Variants in GRM3 observed in about 807,000 individuals in gnomAD.
GRM3 encodes the protein glutamate metabotropic receptor 3.
Under a neutral mutation model 70.5 loss-of-function variants are expected in GRM3, and 26 were observed. That is an observed-to-expected ratio of 0.37 (90% CI 0.27 to 0.51). The LOEUF (loss-of-function observed/expected upper bound fraction) is 0.51, where lower values mean the gene tolerates loss of function less well. Ranked by LOEUF, GRM3 falls within the 20% of genes least tolerant of loss-of-function variation. The pLI, the probability that GRM3 is intolerant of heterozygous loss-of-function variation, is 0.93. For synonymous variants in GRM3, 443 were observed against 434.9 expected (o/e 1.02, Z -0.23); for missense variants, 859 against 1,123.8 (o/e 0.76, Z 3.37).
intron 1 of GRM3, among the ~76,000 whole-genome samples, chr7:86,682,181 T>C (rs1794457677): frequency 6.6e-6 from 1 of 152,226 alleles, no homozygotes; most frequent in African/African-American, 2.4e-5. Flanking sequence ...TACAAGTTTT[T>C]CACAGTACAA....
chr7:86,654,065 A>C (rs919800882), intron 1 of GRM3, among the ~76,000 whole-genome samples: 5 of 152,170 alleles, frequency 3.3e-5, no homozygotes, highest in Non-Finnish European at 7.3e-5. Flanking sequence ...CACTTCGTTC[A>C]AGTGAATGGT....
intron 2 of GRM3, among the ~76,000 whole-genome samples, chr7:86,767,737 T>A (rs908278697): frequency 2.6e-5 from 4 of 151,858 alleles, no homozygotes; most frequent in Non-Finnish European, 4.4e-5. Context: ...CAATAAATGG[T>A]ACTCTACAGC....
At chr7:86,669,883 T>C (rs1430507602) in intron 1 of GRM3, among the ~76,000 whole-genome samples, 1 of 152,154 alleles carries the variant, frequency 6.6e-6, no homozygotes, top group Non-Finnish European at 1.5e-5. Flanking sequence ...CTTAACTCAC[T>C]CTGTAGTTTC....
chr7:86,826,938 A>G (rs1355588365), intron 3 of GRM3, among the ~76,000 whole-genome samples: 1 of 152,200 alleles, frequency 6.6e-6, no homozygotes, highest in Non-Finnish European at 1.5e-5. Flanking sequence ...TGACTCAGGC[A>G]TTAGCATGAT....
chr7:86,786,225 G>C lies in GRM3; in HGVS notation c.469-36G>C, dbSNP rs201793291. 1.1e-4 allele frequency: 175 copies of C among 1,573,572 alleles called. 1 individual carries two copies. The African/African-American group carries it at 2.2e-3, about 20-fold the overall frequency. On this transcript the variant is annotated intron_variant, in intron 2 of 5. Transcript: ENST00000361669. The surrounding 1 kb of genome is among the most constrained non-coding windows in gnomAD (Gnocchi z 6.0). Reference sequence around the variant, plus strand: ...TTTCATGTCCAGTCATCTACCTCGGGGTTTCTAACAAAGGTCCTTCTTCTC... The same window carrying C: ...TTTCATGTCCAGTCATCTACCTCGGCGTTTCTAACAAAGGTCCTTCTTCTC...
At chr7:86,654,662 C>G (rs1793690012) in intron 1 of GRM3, among the ~76,000 whole-genome samples, 1 of 152,176 alleles carries the variant, frequency 6.6e-6, no homozygotes, top group Non-Finnish European at 1.5e-5. Context: ...TGATTCCTTC[C>G]TAAATGATAT....
intron 3 of GRM3, among the ~76,000 whole-genome samples, chr7:86,809,868 A>C (rs990321383): frequency 6.6e-6 from 1 of 152,076 alleles, no homozygotes; most frequent in African/African-American, 2.4e-5. Flanking sequence ...AAATTCTTTC[A>C]CATACAGCAT....
At chr7:86,660,490 C>A (rs1207369194) in intron 1 of GRM3, among the ~76,000 whole-genome samples, 1 of 151,952 alleles carries the variant, frequency 6.6e-6, no homozygotes, top group Non-Finnish European at 1.5e-5. Flanking sequence ...AAACAAAAAA[C>A]AGAATGCTTG....
At chr7:86,680,994 G>T (rs1562823579) in intron 1 of GRM3, among the ~76,000 whole-genome samples, 3 of 152,004 alleles carry the variant, frequency 2.0e-5, no homozygotes, top group Non-Finnish European at 4.4e-5. Flanking sequence ...CCACAATATA[G>T]TTCAATGTTC....
intron 1 of GRM3, among the ~76,000 whole-genome samples, chr7:86,751,354 A>G (rs114076714): frequency 1.8e-3 from 276 of 152,200 alleles, no homozygotes; most frequent in African/African-American, 6.5e-3. Context: ...TTAGCTGTTA[A>G]TTGTTATCAG....
At chr7:86,718,095 A>G (rs1175125397) in intron 1 of GRM3, among the ~76,000 whole-genome samples, 2 of 151,978 alleles carry the variant, frequency 1.3e-5, no homozygotes, top group Non-Finnish European at 2.9e-5. Context: ...GCTGAATGTG[A>G]TATTTTAGCC....
In GRM3 at chr7:86,839,552, C is replaced by A. The variant is rs2116737929; in HGVS notation, c.2038C>A (p.Pro680Thr). 1 of 1,608,668 alleles carries A rather than the reference C, an allele frequency of 6.2e-7. No individual in the cohort carries two copies. The highest frequency in any genetic ancestry group is 8.5e-7 in the Non-Finnish European group (1 of 1,176,820). Residue 680 changes from proline (P) to threonine (T), a missense_variant, in exon 4 of 6, where the codon CCA (proline) becomes ACA (threonine). Physicochemically the swap from Pro to Thr is conservative, Grantham distance 38. Coordinates refer to ENST00000361669, the MANE Select transcript of GRM3 (RefSeq NM_000840.3). This position sits in a 1 kb window ranked among gnomAD's most constrained non-coding sequence, Gnocchi z 4.5. ...TGGGGTCAAGAATGGCGCTCAGAGG[C>A]CAAAATTCATCAGCCCCAGTTCTCA... is the stretch of plus-strand genomic sequence containing the variant. ...FDGVKNGAQRPKFISPSSQVF... is the reference protein window; with the variant it reads ...FDGVKNGAQRTKFISPSSQVF...
intron 1 of GRM3, among the ~76,000 whole-genome samples, chr7:86,751,752 C>T (rs1796237402): frequency 6.6e-6 from 1 of 152,054 alleles, no homozygotes; most frequent in Non-Finnish European, 1.5e-5. Context: ...AAGTGACTGG[C>T]TTGCTATTAT....
intron 5 of GRM3, among the ~76,000 whole-genome samples, chr7:86,852,069 TCA>T (rs1562882699): frequency 6.6e-6 from 1 of 152,070 alleles, no homozygotes; most frequent in Non-Finnish European, 1.5e-5. Context: ...TCACCCAGGG[TCA>T]CACACTTTAA....
chr7:86,685,885 A>T (rs1238954066), intron 1 of GRM3, among the ~76,000 whole-genome samples: 4 of 150,290 alleles, frequency 2.7e-5, no homozygotes, highest in Non-Finnish European at 3.0e-5. Context: ...TAGCCTGGGC[A>T]ACAGAGAAAG....
At chr7:86,747,283 A>C (rs1796124783) in intron 1 of GRM3, among the ~76,000 whole-genome samples, 1 of 152,050 alleles carries the variant, frequency 6.6e-6, no homozygotes, top group African/African-American at 2.4e-5. Context: ...ACCCTCACTA[A>C]CATGTATCAA....
chr7:86,759,910 A>G (rs1184721861), intron 1 of GRM3, among the ~76,000 whole-genome samples: 1 of 152,162 alleles, frequency 6.6e-6, no homozygotes, highest in Admixed American at 6.6e-5. Context: ...CAATATAGCT[A>G]CAGCGTCTGT....
intron 1 of GRM3, among the ~76,000 whole-genome samples, chr7:86,747,353 A>G (rs181796767): frequency 6.6e-6 from 1 of 152,214 alleles, no homozygotes; most frequent in East Asian, 1.9e-4. Flanking sequence ...CAAAGCCATT[A>G]TTTTCAGAGA....
intron 3 of GRM3, among the ~76,000 whole-genome samples, chr7:86,830,252 T>A (rs1208786431): frequency 6.6e-6 from 1 of 152,200 alleles, no homozygotes; most frequent in East Asian, 1.9e-4. Flanking sequence ...ATGAGTAAGC[T>A]GGGGTTTTAT....
Sources: allele counts gnomAD v4.1 joint callset (sites outside exome capture counted in the v4.1 genomes callset), GRCh38; gene constraint gnomAD v4.1.1; non-coding constraint Gnocchi (gnomAD v3.1); transcripts MANE v1.5; gene names NCBI Gene and HGNC (gene_info 2026-07-23, HGNC 2026-07-21).